CHD2: variants seen among roughly 807,000 people sequenced by gnomAD.
CHD2 encodes chromodomain helicase DNA binding protein 2.
In CHD2, 28 loss-of-function variants were observed where a neutral mutation model predicts 243.9. The ratio of observed to expected loss-of-function variants is 0.11; its 90% CI spans 0.09 to 0.16. The LOEUF (loss-of-function observed/expected upper bound fraction) is 0.16, where lower values mean the gene tolerates loss of function less well. Ranked by LOEUF, CHD2 falls within the 10% of genes least tolerant of loss-of-function variation. The pLI is 1.00. For synonymous variants in CHD2, 775 were observed against 779.0 expected (o/e 0.99, Z 0.09); for missense variants, 1,386 against 2,209.8 (o/e 0.63, Z 7.47).
At chr15:92,966,867 G>A (rs917662302) in intron 16 of CHD2, among the ~76,000 whole-genome samples, 6 of 148,580 alleles carry the variant, frequency 4.0e-5, no homozygotes, top group Non-Finnish European at 7.4e-5. Flanking sequence ...CTGAGATTGT[G>A]CCACTGCATT....
rs186033097 is a variant in CHD2, at chr15:92,924,913, G to T, written c.294+361G>T. ...CCTCCCAGGTTCAAGTGATTCTCCTGCCTCAGTCACCCAAGTAGTTGAGAT... is the reference window on the plus strand; with the variant it reads ...CCTCCCAGGTTCAAGTGATTCTCCTTCCTCAGTCACCCAAGTAGTTGAGAT... On this transcript the variant is annotated intron_variant, in intron 3 of 38. Coordinates refer to ENST00000394196, the MANE Select transcript of CHD2 (RefSeq NM_001271.4). 3.6e-4 allele frequency among the ~76,000 whole-genome samples: 55 copies of T among 152,216 alleles called. No individual in the cohort carries two copies. The East Asian group carries it at 7.9e-3, about 22-fold the overall frequency.
At chr15:92,951,907 T>C (rs947595246) in intron 13 of CHD2, among the ~76,000 whole-genome samples, 8 of 152,248 alleles carry the variant, frequency 5.3e-5, no homozygotes, top group Non-Finnish European at 1.0e-4. Context: ...TTAGAAATTA[T>C]GTCTTTTTGG....
intron 37 of CHD2, among the ~76,000 whole-genome samples, chr15:93,015,418 A>G (rs903513869): frequency 6.6e-6 from 1 of 152,210 alleles, no homozygotes; most frequent in Non-Finnish European, 1.5e-5. Context: ...AGAAGAACCC[A>G]GCTAACATGA....
rs77921577 is a variant in CHD2, at chr15:92,904,833, A to C, written c.62+3534A>C. On this transcript the variant is annotated intron_variant, in intron 2 of 38. Coordinates refer to ENST00000394196, the MANE Select transcript of CHD2 (RefSeq NM_001271.4). ...GTTTAATTTTGTTACAATTGACCAA[A>C]ACGTTTGAGTGTCAGAGGCGGATAC... The C allele has an allele frequency of 2.0e-5, 30 of 1,510,712 alleles. No homozygotes were observed. In the Admixed American group the frequency reaches 4.7e-4, roughly 24 times the overall value. 93.6% of individuals were successfully genotyped at this position (1,510,712 alleles called of 1,614,324 possible). A position where few individuals can be genotyped will look rare whatever the true frequency, so the allele number is the denominator to read the frequency against.
At chr15:92,954,444 G>A (rs1032083380) in intron 14 of CHD2, 20 of 152,158 alleles carry the variant, frequency 1.3e-4, no homozygotes, top group African/African-American at 4.6e-4. Context: ...AAATATTTGA[G>A]TTGCATGTTG....
At chr15:92,935,866 C>G (rs575828988) in intron 5 of CHD2, among the ~76,000 whole-genome samples, 1 of 152,074 alleles carries the variant, frequency 6.6e-6, no homozygotes, top group Non-Finnish European at 1.5e-5. Context: ...ACTAACAGGC[C>G]TTTCTGTCTT....
intron 23 of CHD2, 22 bp from the exon 24 acceptor site, chr15:92,981,343 G>C: frequency 3.2e-6 from 5 of 1,579,494 alleles, no homozygotes; most frequent in Non-Finnish European, 1.7e-6. Flanking sequence ...TATTCTATTC[G>C]TGTTGGCTTT....
At chr15:92,941,715 C>G (rs1166011602) in intron 7 of CHD2, 107 bp from the exon 8 acceptor site, 2 of 1,173,276 alleles carry the variant, frequency 1.7e-6, no homozygotes, top group Admixed American at 5.7e-5. Context: ...AAACAACATG[C>G]TTTTGGAACC....
chr15:92,988,908 T>C (rs1381458026), intron 26 of CHD2, among the ~76,000 whole-genome samples: 1 of 152,112 alleles, frequency 6.6e-6, no homozygotes, highest in East Asian at 1.9e-4. Context: ...TTTTTAACTC[T>C]TGTAAATATT....
rs75542406 is a variant in CHD2, at chr15:92,906,927, A to G, written c.62+5628A>G. Reference sequence around the variant, plus strand: ...TGAGTTCACATGTATACCTTTGCAAAGCTGCCATTCACAACTTGTTTTGGA... The same window carrying G: ...TGAGTTCACATGTATACCTTTGCAAGGCTGCCATTCACAACTTGTTTTGGA... On this transcript the variant is annotated intron_variant, in intron 2 of 38. Coordinates refer to ENST00000394196, the MANE Select transcript of CHD2 (RefSeq NM_001271.4). 5.9e-3 allele frequency among the ~76,000 whole-genome samples: 893 copies of G among 152,232 alleles called. 67 individuals are homozygous for G. In the East Asian group the frequency reaches 0.15, roughly 26 times the overall value.
chr15:92,918,305 G>C (rs1340343995), intron 2 of CHD2, among the ~76,000 whole-genome samples: 2 of 152,010 alleles, frequency 1.3e-5, no homozygotes, highest in African/African-American at 4.8e-5. Flanking sequence ...TTTCTCATCA[G>C]CATTTATTTT....
At chr15:92,935,131 G>C (rs896807786) in intron 5 of CHD2, among the ~76,000 whole-genome samples, 3 of 151,654 alleles carry the variant, frequency 2.0e-5, no homozygotes, top group Admixed American at 6.6e-5. Context: ...CACCTCCCGG[G>C]TTCACGCCAT....
chr15:92,969,379 C>G (rs1479966704), intron 17 of CHD2, among the ~76,000 whole-genome samples: 1 of 152,222 alleles, frequency 6.6e-6, no homozygotes, highest in African/African-American at 2.4e-5. Context: ...GGCATAGGCC[C>G]TTCTGCTCTT....
rs907196525 is a variant in CHD2, at chr15:93,027,209, G to T, written c.*2504G>T. On this transcript the variant is annotated 3_prime_UTR_variant, in exon 39 of 39. Coordinates refer to ENST00000394196, the MANE Select transcript of CHD2 (RefSeq NM_001271.4). ...TATTATATGCCTAAATAAAAAATTT[G>T]CACAGGTAAATTCTCTCACTTGTGA... 3.3e-5 allele frequency: 5 copies of T among 152,588 alleles called. No homozygotes were observed. Among genetic ancestry groups the T allele is most frequent in the Non-Finnish European group, 7.3e-5 (5 of 68,032 alleles). 9.5% of individuals were successfully genotyped at this position (152,588 alleles called of 1,614,324 possible).
chr15:92,927,094 A>G (rs1291558598), intron 3 of CHD2, 150 bp from the exon 4 acceptor site: 1 of 606,880 alleles, frequency 1.6e-6, no homozygotes, highest in Non-Finnish European at 2.9e-6. Flanking sequence ...TATTTTAAAA[A>G]AAATGGCGCT....
chr15:92,936,717 G>C (rs2053273025), intron 5 of CHD2, among the ~76,000 whole-genome samples: 1 of 152,086 alleles, frequency 6.6e-6, no homozygotes, highest in Admixed American at 6.6e-5. Context: ...AAAATATCTA[G>C]TATAGTGGTT....
At chr15:92,917,395 C>A (rs1435506390) in intron 2 of CHD2, among the ~76,000 whole-genome samples, 2 of 152,138 alleles carry the variant, frequency 1.3e-5, no homozygotes, top group Non-Finnish European at 2.9e-5. Flanking sequence ...CCTGTCTCTA[C>A]TAAAAATACA....
At chr15:92,926,318 T>C (rs959821954) in intron 3 of CHD2, among the ~76,000 whole-genome samples, 2 of 152,212 alleles carry the variant, frequency 1.3e-5, no homozygotes, top group African/African-American at 4.8e-5. Context: ...TTGTGCATGT[T>C]CTGAACCTTA....
rs898337997 is a variant in CHD2 at position 92,999,449 on chromosome 15, CTCCT to C, written c.4008+830_4008+833del. 5.9e-5 allele frequency among the ~76,000 whole-genome samples: 9 copies of C among 152,198 alleles called. 1 individual carries two copies. The highest frequency in any genetic ancestry group is 5.2e-4 in the Admixed American group (8 of 15,284). ...CTCAGTGAACTCAGCTGAGCTTTAT[CTCCT>C]TTTGTTTCCCCAATTTATAATTTCA... On this transcript the variant is annotated intron_variant, in intron 31 of 38. Transcript: ENST00000394196.
Sources: allele counts gnomAD v4.1 joint callset (sites outside exome capture counted in the v4.1 genomes callset), GRCh38; gene constraint gnomAD v4.1.1; transcripts MANE v1.5; gene names NCBI Gene and HGNC (gene_info 2026-07-23, HGNC 2026-07-21).